The following MECOM variants were observed in gnomAD, a reference collection of about 807,000 sequenced individuals.
The protein encoded by MECOM is histone-lysine N-methyltransferase MECOM.
MECOM carries 13 observed loss-of-function variants against 116.3 expected under a neutral mutation model. That is an observed-to-expected ratio of 0.11 (90% confidence interval 0.07 to 0.18). The LOEUF is 0.18. MECOM is among the 10% of genes least tolerant of loss of function. The pLI, the probability that MECOM is intolerant of heterozygous loss-of-function variation, is 1.00. For synonymous variants in MECOM, 528 were observed against 535.2 expected, an observed-to-expected ratio of 0.99 and a Z score of 0.19; for missense variants, 1,299 against 1,509.0, an observed-to-expected ratio of 0.86 and a Z score of 2.31.
Position 169,232,911 on chromosome 3 carries a change from A to G in MECOM, c.376-89079T>C, listed in dbSNP as rs1577414047. ...CCTTTTCATGTATATTTACTTGAAA[A>G]TGGCATCTCAGCCTCTTGTCACCTC... is the stretch of plus-strand genomic sequence containing the variant. On this transcript the variant is annotated intron_variant, in intron 2 of 16. Coordinates refer to ENST00000651503, the MANE Select transcript of MECOM (RefSeq NM_004991.4). 3.3e-5 allele frequency among the ~76,000 whole-genome samples: 5 copies of G among 152,124 alleles called. No individual in the cohort carries two copies. The East Asian group carries it at 9.7e-4, about 29-fold the overall frequency.
At chr3:169,567,132 G>A (rs1016639576) in intron 1 of MECOM, among the ~76,000 whole-genome samples, 1 of 146,854 alleles carries the variant, frequency 6.8e-6, no homozygotes, top group Non-Finnish European at 1.5e-5. Flanking sequence ...AATCAGGAGA[G>A]GAGAAATCCA....
chr3:169,149,526 G>A, intron 2 of MECOM: 1 of 253,904 alleles, frequency 3.9e-6, no homozygotes, highest in South Asian at 3.5e-5. Context: ...CAGCGCCGGC[G>A]GCTCCAGCCA....
At chr3:169,541,757 C>T (rs950462233) in intron 1 of MECOM, among the ~76,000 whole-genome samples, 2 of 146,822 alleles carry the variant, frequency 1.4e-5, no homozygotes, top group African/African-American at 5.2e-5. Flanking sequence ...CAGCACACCT[C>T]TTATCAGCCC....
chr3:169,517,450 A>G (rs770494361), intron 1 of MECOM, among the ~76,000 whole-genome samples: 5 of 152,210 alleles, frequency 3.3e-5, no homozygotes, highest in Non-Finnish European at 5.9e-5. Flanking sequence ...AAGCATGTAG[A>G]CGTTTTAGAC....
intron 1 of MECOM, among the ~76,000 whole-genome samples, chr3:169,548,925 T>C (rs1033314020): frequency 4.6e-5 from 7 of 151,988 alleles, no homozygotes; most frequent in Non-Finnish European, 2.9e-5. Flanking sequence ...ATAACGTGGG[T>C]ATTCCATAAC....
chr3:169,494,999 A>C (rs1753640903), intron 1 of MECOM, among the ~76,000 whole-genome samples: 1 of 152,088 alleles, frequency 6.6e-6, no homozygotes, highest in Non-Finnish European at 1.5e-5. Context: ...TGTAGGCTAG[A>C]TCCTTTTCTC....
Position 169,456,882 on chromosome 3 carries a change from G to A in MECOM, c.38-75358C>T, listed in dbSNP as rs116870065. ...GGAGGAAGAACACACACATGTTCTCGCCGGGTGTGCTTTTCTAATGTGAAA... is the reference window on the plus strand; with the variant it reads ...GGAGGAAGAACACACACATGTTCTCACCGGGTGTGCTTTTCTAATGTGAAA... On this transcript the variant is annotated intron_variant, in intron 1 of 16. Transcript: ENST00000651503. Among the ~76,000 whole-genome samples, 302 of 152,222 alleles carry A rather than the reference G, an allele frequency of 2.0e-3. 5 individuals carry two copies. The East Asian group carries it at 0.051, about 26-fold the overall frequency.
At chr3:169,423,941 T>C (rs1442955310) in intron 1 of MECOM, among the ~76,000 whole-genome samples, 1 of 152,134 alleles carries the variant, frequency 6.6e-6, no homozygotes, top group Non-Finnish European at 1.5e-5. Context: ...GGGATATAAG[T>C]AGAAGACAGA....
At chr3:169,202,641 G>C in intron 2 of MECOM, among the ~76,000 whole-genome samples, 1 of 151,748 alleles carries the variant, frequency 6.6e-6, no homozygotes, top group Non-Finnish European at 1.5e-5. Flanking sequence ...TTTTAATATA[G>C]TTATTATTTC....
intron 1 of MECOM, among the ~76,000 whole-genome samples, chr3:169,504,150 AGTGTGTGTGT>A (rs3044764): frequency 1.2e-3 from 162 of 132,714 alleles, no homozygotes; most frequent in East Asian, 4.3e-3. Context: ...GAAAAAGAGA[AGTGTGTGTGT>A]GTGTGTGTGT....
intron 1 of MECOM, among the ~76,000 whole-genome samples, chr3:169,423,989 C>T (rs765424054): frequency 6.6e-6 from 1 of 152,042 alleles, no homozygotes; most frequent in African/African-American, 2.4e-5. Flanking sequence ...ACTCAGTTTC[C>T]GATGGTCCCA....
intron 2 of MECOM, among the ~76,000 whole-genome samples, chr3:169,362,923 T>C (rs2149827702): frequency 6.6e-6 from 1 of 152,090 alleles, no homozygotes; most frequent in East Asian, 1.9e-4. Context: ...ACTAGCACAT[T>C]TCATGACTAT....
chr3:169,115,237 A>T, intron 8 of MECOM, 146 bp downstream of exon 8: 1 of 879,416 alleles, frequency 1.1e-6, no homozygotes, highest in East Asian at 2.8e-5. Flanking sequence ...AACTTTCAGA[A>T]TAAAAAATGA....
At chr3:169,655,080 G>T (rs553089061) in intron 1 of MECOM, among the ~76,000 whole-genome samples, 3 of 150,610 alleles carry the variant, frequency 2.0e-5, no homozygotes, top group Non-Finnish European at 4.4e-5. Context: ...TAAAAACCCA[G>T]ATTTGTGGCT....
chr3:169,329,161 G>T (rs1722333818), intron 2 of MECOM, among the ~76,000 whole-genome samples: 1 of 151,894 alleles, frequency 6.6e-6, no homozygotes, highest in African/African-American at 2.4e-5. Flanking sequence ...TTTAGCCTTG[G>T]GAAACATTAA....
At chr3:169,585,006 A>G (rs980601744) in intron 1 of MECOM, among the ~76,000 whole-genome samples, 1 of 152,266 alleles carries the variant, frequency 6.6e-6, no homozygotes, top group Admixed American at 6.5e-5. Context: ...TTTCATTTCC[A>G]CAGATTATCA....
chr3:169,231,689 A>C (rs1753418268), intron 2 of MECOM, among the ~76,000 whole-genome samples: 1 of 152,100 alleles, frequency 6.6e-6, no homozygotes, highest in Non-Finnish European at 1.5e-5. Context: ...TGAGGAACAG[A>C]ATAGAAACCA....
intron 1 of MECOM, among the ~76,000 whole-genome samples, chr3:169,418,378 ACTC>A (rs1297915547): frequency 4.0e-5 from 6 of 151,888 alleles, no homozygotes; most frequent in Admixed American, 2.6e-4. Flanking sequence ...AAAAAGAGGG[ACTC>A]CTCCCTAACT....
chr3:169,376,168 G>A (rs1731000144), intron 2 of MECOM, among the ~76,000 whole-genome samples: 1 of 152,104 alleles, frequency 6.6e-6, no homozygotes, highest in Admixed American at 6.5e-5. Context: ...AGGTATTGAT[G>A]GAACGTATCT....
Sources: gnomAD v4.1 joint callset for allele counts (sites outside exome capture counted in the v4.1 genomes callset) on GRCh38, gnomAD v4.1.1 for gene constraint, MANE v1.5 for transcripts, NCBI Gene and HGNC (gene_info 2026-07-23, HGNC 2026-07-21) for gene names.